The following DTNBP1 variants were observed in gnomAD, a reference collection of about 807,000 sequenced individuals.
DTNBP1 encodes the protein dystrobrevin binding protein 1.
Under a neutral mutation model 42.8 loss-of-function variants are expected in DTNBP1, and 35 were observed. That is an observed-to-expected ratio of 0.82 (90% CI 0.63 to 1.09). DTNBP1 has a LOEUF of 1.09. Among genes scored for constraint, DTNBP1 ranks in the 50% least tolerant of loss-of-function variants. DTNBP1 has a pLI of 0.00. For missense variants in DTNBP1, 457 were observed against 424.2 expected (o/e 1.08, Z -0.68); for synonymous variants, 171 against 162.2 (o/e 1.05, Z -0.41).
At chr6:15,597,638 C>A (rs1776566163) in intron 6 of DTNBP1, among the ~76,000 whole-genome samples, 1 of 152,188 alleles carries the variant, frequency 6.6e-6, no homozygotes, top group South Asian at 2.1e-4. Flanking sequence ...TTATACATTT[C>A]ATGTGCTGCC....
chr6:15,596,658 C>T (rs999962881), intron 6 of DTNBP1, among the ~76,000 whole-genome samples: 1 of 152,174 alleles, frequency 6.6e-6, no homozygotes, highest in African/African-American at 2.4e-5. Flanking sequence ...AGCTTACATT[C>T]GCTCATAAGC....
intron 7 of DTNBP1, among the ~76,000 whole-genome samples, chr6:15,563,967 G>A (rs1356351116): frequency 2.0e-5 from 3 of 151,896 alleles, no homozygotes; most frequent in Middle Eastern, 3.2e-3. Context: ...CCAGCTACTC[G>A]GGAGGCTGGG....
At position 15,608,279 on chromosome 6, in the gene DTNBP1, A is replaced by C. The variant is rs571087045; in HGVS notation, c.488+6988T>G. On this transcript the variant is annotated intron_variant, in intron 6 of 9. Coordinates refer to ENST00000344537, the MANE Select transcript of DTNBP1 (RefSeq NM_032122.5). Reference sequence around the variant, plus strand: ...TTGTTGTTTGCTTGGTTTAAAAAAAAACACACACATTTATCTCTAATTCCT... The same window carrying C: ...TTGTTGTTTGCTTGGTTTAAAAAAACACACACACATTTATCTCTAATTCCT... Among the ~76,000 whole-genome samples the C allele has an allele frequency of 1.1e-4, 17 of 148,998 alleles. No homozygotes were observed. In the East Asian group the frequency reaches 1.2e-3, roughly 10 times the overall value.
At chr6:15,573,779 C>G (rs1158850617) in intron 7 of DTNBP1, among the ~76,000 whole-genome samples, 1 of 152,154 alleles carries the variant, frequency 6.6e-6, no homozygotes, top group Non-Finnish European at 1.5e-5. Context: ...GCGATCTCGG[C>G]TGACTGCAAC....
At chr6:15,622,756 T>G (rs1759110626) in intron 5 of DTNBP1, among the ~76,000 whole-genome samples, 1 of 152,184 alleles carries the variant, frequency 6.6e-6, no homozygotes, top group African/African-American at 2.4e-5. Flanking sequence ...AAAAAAGAGC[T>G]TCACAAATTT....
At chr6:15,577,329 A>G (rs545593649) in intron 7 of DTNBP1, among the ~76,000 whole-genome samples, 1 of 152,334 alleles carries the variant, frequency 6.6e-6, no homozygotes, top group African/African-American at 2.4e-5. Flanking sequence ...CGAGGAGGTG[A>G]TGCTCTCTCT....
chr6:15,529,702 G>C (rs571038533), intron 8 of DTNBP1, among the ~76,000 whole-genome samples: 1 of 152,222 alleles, frequency 6.6e-6, no homozygotes, highest in Non-Finnish European at 1.5e-5. Context: ...CACAGACCAG[G>C]ACATCTCCGA....
Position 15,644,861 on chromosome 6 carries a change from C to T in DTNBP1, c.161+6452G>A, listed in dbSNP as rs571688264. 3.9e-5 allele frequency among the ~76,000 whole-genome samples: 6 copies of T among 152,070 alleles called. 1 individual carries two copies. In the South Asian group the frequency reaches 1.2e-3, roughly 32 times the overall value. ...ATCTCAAATTAACAACTTAACACCA[C>T]ACTTTTAAGAACTAGAAAGGCAAGA... On this transcript the variant is annotated intron_variant, in intron 3 of 9. Transcript: ENST00000344537.
chr6:15,590,794 G>A (rs1228084701), intron 7 of DTNBP1, among the ~76,000 whole-genome samples: 1 of 152,156 alleles, frequency 6.6e-6, no homozygotes, highest in Non-Finnish European at 1.5e-5. Flanking sequence ...CAACCTCAAT[G>A]GAGTATTAGA....
chr6:15,649,105 T>C (rs902505798), intron 3 of DTNBP1, among the ~76,000 whole-genome samples: 2 of 152,076 alleles, frequency 1.3e-5, no homozygotes, highest in East Asian at 1.9e-4. Flanking sequence ...CAGTATGGTG[T>C]TTCCAGAAAG....
intron 3 of DTNBP1, 76 bp from the exon 4 acceptor site, chr6:15,637,880 A>C: frequency 6.9e-7 from 1 of 1,441,764 alleles, no homozygotes; most frequent in South Asian, 1.1e-5. Context: ...TGAATGTGGA[A>C]TATCCTGTGG....
chr6:15,621,481 T>C (rs1010065131), intron 5 of DTNBP1, among the ~76,000 whole-genome samples: 1 of 152,172 alleles, frequency 6.6e-6, no homozygotes, highest in Non-Finnish European at 1.5e-5. Context: ...GGGGACCAGA[T>C]GAAAACATGT....
intron 8 of DTNBP1, among the ~76,000 whole-genome samples, chr6:15,529,548 G>C (rs1772663482): frequency 6.6e-6 from 1 of 152,158 alleles, no homozygotes; most frequent in African/African-American, 2.4e-5. Flanking sequence ...AGGGCACTGG[G>C]TCCACGCTGG....
At chr6:15,566,417 C>G (rs961395147) in intron 7 of DTNBP1, among the ~76,000 whole-genome samples, 1 of 152,034 alleles carries the variant, frequency 6.6e-6, no homozygotes. Context: ...CCAGTTTAGG[C>G]CACCATGGGA....
At chr6:15,593,368 C>T (rs780197409) in intron 6 of DTNBP1, among the ~76,000 whole-genome samples, 1 of 152,014 alleles carries the variant, frequency 6.6e-6, no homozygotes, top group Non-Finnish European at 1.5e-5. Context: ...TATAAGAACA[C>T]AGACAGCATT....
At chr6:15,611,412 A>G (rs1450849979) in intron 6 of DTNBP1, among the ~76,000 whole-genome samples, 3 of 152,202 alleles carry the variant, frequency 2.0e-5, no homozygotes, top group African/African-American at 7.2e-5. Flanking sequence ...GGAGATGAAC[A>G]AGGAGAACAA....
At chr6:15,578,965 C>G (rs1775699011) in intron 7 of DTNBP1, among the ~76,000 whole-genome samples, 1 of 152,150 alleles carries the variant, frequency 6.6e-6, no homozygotes, top group South Asian at 2.1e-4. Context: ...TAAATTATCT[C>G]AGTTGTTATG....
chr6:15,573,708 C>T (rs1775436731), intron 7 of DTNBP1, among the ~76,000 whole-genome samples: 1 of 151,852 alleles, frequency 6.6e-6, no homozygotes. Context: ...GTTTTGTTTT[C>T]GTTTGTTTGT....
chr6:15,621,149 G>T (rs1759019481), intron 5 of DTNBP1, among the ~76,000 whole-genome samples: 1 of 152,002 alleles, frequency 6.6e-6, no homozygotes, highest in Non-Finnish European at 1.5e-5. Flanking sequence ...TATTTTCCAG[G>T]CTATAGTCTT....
Sources: allele counts gnomAD v4.1 joint callset (sites outside exome capture counted in the v4.1 genomes callset), GRCh38; gene constraint gnomAD v4.1.1; transcripts MANE v1.5; gene names NCBI Gene and HGNC (gene_info 2026-07-23, HGNC 2026-07-21).